The following PDS5A variants were observed in gnomAD, a reference collection of about 807,000 sequenced individuals.
The protein encoded by PDS5A is PDS5 cohesin associated factor A, also known as sister chromatid cohesion protein PDS5 homolog A.
PDS5A carries 42 observed loss-of-function variants against 167.1 expected under a neutral mutation model. The observed-to-expected ratio is 0.25, with a 90% CI of 0.20 to 0.33. The LOEUF (loss-of-function observed/expected upper bound fraction) is 0.33, where lower values mean the gene tolerates loss of function less well. PDS5A is among the 10% of genes least tolerant of loss of function. The pLI is 1.00. For synonymous variants in PDS5A, 553 were observed against 554.6 expected (o/e 1.00, Z 0.04); for missense variants, 1,033 against 1,605.9 (o/e 0.64, Z 6.10).
chr4:39,914,316 C>T (rs371722717), intron 8 of PDS5A, among the ~76,000 whole-genome samples: 6 of 152,060 alleles, frequency 3.9e-5, no homozygotes, highest in East Asian at 1.9e-4. Context: ...CGCCCACCAC[C>T]GCACCAGGCT....
At chr4:39,976,854 G>T (rs1560535123) in intron 1 of PDS5A, among the ~76,000 whole-genome samples, 1 of 152,008 alleles carries the variant, frequency 6.6e-6, no homozygotes, top group Non-Finnish European at 1.5e-5. Context: ...GCCGAACAGC[G>T]CCAGGAGTTT....
At chr4:39,961,492 C>T (rs1255662500) in intron 2 of PDS5A, among the ~76,000 whole-genome samples, 3 of 152,034 alleles carry the variant, frequency 2.0e-5, no homozygotes, top group African/African-American at 7.2e-5. Context: ...AACACCTGAC[C>T]TCTGGTGGTC....
At chr4:39,954,020 C>A (rs1214788229) in intron 2 of PDS5A, among the ~76,000 whole-genome samples, 1 of 151,956 alleles carries the variant, frequency 6.6e-6, no homozygotes, top group African/African-American at 2.4e-5. Flanking sequence ...TAGGCCCCAA[C>A]TGAGGTACTA....
chr4:39,925,309 T>C (rs1326683446), intron 5 of PDS5A, among the ~76,000 whole-genome samples: 3 of 152,186 alleles, frequency 2.0e-5, no homozygotes, highest in Non-Finnish European at 2.9e-5. Flanking sequence ...AGTTTCCCTA[T>C]TTCTATAAAG....
At chr4:39,965,509 T>G (rs1729890914) in intron 2 of PDS5A, among the ~76,000 whole-genome samples, 1 of 152,214 alleles carries the variant, frequency 6.6e-6, no homozygotes, top group Non-Finnish European at 1.5e-5. Context: ...AATTCAAGTG[T>G]TCACTGACAG....
chr4:39,858,356 G>A (rs1453314774), intron 26 of PDS5A, among the ~76,000 whole-genome samples: 1 of 152,162 alleles, frequency 6.6e-6, no homozygotes, highest in Non-Finnish European at 1.5e-5. Flanking sequence ...CATGGCATAA[G>A]GCCAGACATA....
intron 21 of PDS5A, among the ~76,000 whole-genome samples, chr4:39,870,001 C>T (rs769685596): frequency 4.0e-5 from 6 of 151,826 alleles, no homozygotes; most frequent in Non-Finnish European, 5.9e-5. Flanking sequence ...CTCAGCTACT[C>T]GGGAGGCTGA....
At chr4:39,834,206 C>T (rs73242413) in intron 32 of PDS5A, among the ~76,000 whole-genome samples, 5,518 of 148,034 alleles carry the variant, frequency 0.037, 149 homozygotes, top group Non-Finnish European at 0.059. Flanking sequence ...AAAAAGGGTA[C>T]TAAGAGGTCA....
At chr4:39,898,274 A>G in intron 16 of PDS5A, 115 bp downstream of exon 16, 1 of 1,358,848 alleles carries the variant, frequency 7.4e-7, no homozygotes, top group Non-Finnish European at 9.5e-7. Context: ...AAAGTAATTC[A>G]GAGCTCACAA....
intron 31 of PDS5A, among the ~76,000 whole-genome samples, chr4:39,840,850 G>A (rs950501043): frequency 2.0e-5 from 3 of 152,094 alleles, no homozygotes; most frequent in Non-Finnish European, 4.4e-5. Context: ...CACCTCGAGG[G>A]TTCAAGTGAT....
intron 16 of PDS5A, among the ~76,000 whole-genome samples, chr4:39,895,485 T>C (rs1308552065): frequency 6.6e-6 from 1 of 152,238 alleles, no homozygotes; most frequent in East Asian, 1.9e-4. Flanking sequence ...CACCTACATA[T>C]AGAGCACTTA....
chr4:39,974,168 G>A, intron 2 of PDS5A: 3 of 575,626 alleles, frequency 5.2e-6, no homozygotes, highest in Non-Finnish European at 6.9e-6. Flanking sequence ...TAGCCAAACT[G>A]CTCTACTGAG....
intron 26 of PDS5A, among the ~76,000 whole-genome samples, chr4:39,861,625 G>A (rs950253954): frequency 1.3e-5 from 2 of 152,066 alleles, no homozygotes; most frequent in Non-Finnish European, 2.9e-5. Flanking sequence ...ACAGGGTCTC[G>A]TTCTATCACC....
At position 39,942,550 on chromosome 4, in the gene PDS5A, C is replaced by T. The variant is rs1400300534; in HGVS notation, c.139-14386G>A. On this transcript the variant is annotated intron_variant, in intron 2 of 32. Coordinates refer to ENST00000303538, the MANE Select transcript of PDS5A (RefSeq NM_001100399.2). Reference sequence around the variant, plus strand: ...ACTACAGCCTTAAGCTCTCAGCCTCCCGAGAAGCTTGGACTAAAGTCATGC... The same window carrying T: ...ACTACAGCCTTAAGCTCTCAGCCTCTCGAGAAGCTTGGACTAAAGTCATGC... 2.6e-5 allele frequency among the ~76,000 whole-genome samples: 4 copies of T among 152,196 alleles called. No homozygotes were observed. The South Asian group carries it at 6.2e-4, about 24-fold the overall frequency.
intron 23 of PDS5A, among the ~76,000 whole-genome samples, chr4:39,865,002 A>G (rs904290018): frequency 3.3e-5 from 5 of 152,188 alleles, no homozygotes; most frequent in African/African-American, 1.2e-4. Flanking sequence ...GTGTAAAAAT[A>G]AAGAGTCAAG....
intron 12 of PDS5A, 74 bp downstream of exon 12, chr4:39,903,966 A>G (rs559432021): frequency 5.2e-6 from 4 of 772,982 alleles, no homozygotes; most frequent in African/African-American, 3.6e-5. Context: ...AGAAATTACT[A>G]AAATATTAAA....
At chr4:39,907,656 G>C (rs1484744613) in intron 11 of PDS5A, among the ~76,000 whole-genome samples, 1 of 149,998 alleles carries the variant, frequency 6.7e-6, no homozygotes, top group East Asian at 2.0e-4. Flanking sequence ...GTGCAATCTC[G>C]GCTCACTGCA....
At position 39,910,204 on chromosome 4, in the gene PDS5A, T is replaced by C. The variant is rs76843596; in HGVS notation, c.1087+40A>G. 1,902 of 1,000,004 alleles carry C rather than the reference T, an allele frequency of 1.9e-3. 17 individuals are homozygous for C. The African/African-American group carries it at 0.024, about 13-fold the overall frequency. 61.9% of individuals were successfully genotyped at this position (1,000,004 alleles called of 1,614,324 possible). On this transcript the variant is annotated intron_variant, in intron 10 of 32. Coordinates refer to ENST00000303538, the MANE Select transcript of PDS5A (RefSeq NM_001100399.2). ...ACAAGTCATATCTACAATATAGTTG[T>C]ATGGTTATGCTAATATGTGTAATAA...
chr4:39,862,147 T>TA, intron 26 of PDS5A, 72 bp downstream of exon 26: 2 of 531,464 alleles, frequency 3.8e-6, no homozygotes, highest in East Asian at 6.4e-5. Context: ...ATAAAAATAA[T>TA]AAACAAAAAA....
Sources: allele counts gnomAD v4.1 joint callset (sites outside exome capture counted in the v4.1 genomes callset), GRCh38; gene constraint gnomAD v4.1.1; transcripts MANE v1.5; gene names NCBI Gene and HGNC (gene_info 2026-07-23, HGNC 2026-07-21).